HERC3: variants seen among roughly 807,000 people sequenced by gnomAD.
HERC3 encodes probable E3 ubiquitin-protein ligase HERC3.
Under a neutral mutation model 129.9 loss-of-function variants are expected in HERC3, and 58 were observed. The ratio of observed to expected loss-of-function variants is 0.45; its 90% confidence interval spans 0.36 to 0.56. HERC3 has a LOEUF of 0.56. HERC3 is among the 20% of genes least tolerant of loss of function. The pLI is 0.00. For synonymous variants in HERC3, 430 were observed against 451.0 expected, an observed-to-expected ratio of 0.95 and a Z score of 0.59; for missense variants, 835 against 1,244.2, an observed-to-expected ratio of 0.67 and a Z score of 4.95.
the HERC3 span, among the ~76,000 whole-genome samples, chr4:88,575,877 C>T: frequency 2.0e-5 from 3 of 152,174 alleles, no homozygotes; most frequent in Non-Finnish European, 2.9e-5. Flanking sequence ...TGCCTATTTT[C>T]TTAGGCAGTA....
the HERC3 span, among the ~76,000 whole-genome samples, chr4:88,545,082 C>T: frequency 6.6e-6 from 1 of 152,096 alleles, no homozygotes; most frequent in Non-Finnish European, 1.5e-5. Flanking sequence ...AACATTCACA[C>T]TCTGAGGCAC....
intron 2 of HERC3, among the ~76,000 whole-genome samples, chr4:88,603,969 TA>T (rs1723318668): frequency 6.6e-6 from 1 of 152,072 alleles, no homozygotes; most frequent in Non-Finnish European, 1.5e-5. Flanking sequence ...AAAGGAAATT[TA>T]AAGACAATTA....
the HERC3 span, among the ~76,000 whole-genome samples, chr4:88,543,640 C>G: frequency 4.6e-5 from 7 of 152,096 alleles, no homozygotes; most frequent in East Asian, 1.3e-3. Flanking sequence ...AATCCTAAGC[C>G]AAAAGAACAA....
At chr4:88,568,348 T>C in the HERC3 span, among the ~76,000 whole-genome samples, 1 of 152,108 alleles carries the variant, frequency 6.6e-6, no homozygotes, top group Non-Finnish European at 1.5e-5. Flanking sequence ...GCCAGGCTTC[T>C]GTCCTTCTCT....
intron 3 of HERC3, among the ~76,000 whole-genome samples, chr4:88,626,024 T>A (rs1456370353): frequency 1.3e-5 from 2 of 152,174 alleles, no homozygotes; most frequent in Admixed American, 1.3e-4. Context: ...TATTACTGTT[T>A]TTGATTTCTT....
At chr4:88,678,640 A>G (rs1322655785) in intron 19 of HERC3, among the ~76,000 whole-genome samples, 2 of 152,202 alleles carry the variant, frequency 1.3e-5, no homozygotes, top group Non-Finnish European at 2.9e-5. Context: ...AGGGCTTAGC[A>G]TAATGTTTGG....
intron 9 of HERC3, 28 bp downstream of exon 9, chr4:88,656,063 A>T (rs2972040): frequency 0.29 from 460,422 of 1,605,788 alleles, 74,473 homozygotes; most frequent in African/African-American, 0.61. Flanking sequence ...TGGAATTTAA[A>T]GGTATTTTAA....
upstream of HERC3, among the ~76,000 whole-genome samples, chr4:88,588,729 T>A (rs1354792216): frequency 1.3e-5 from 2 of 152,260 alleles, no homozygotes; most frequent in African/African-American, 4.8e-5. Context: ...AAAACAATTA[T>A]CATTAAACAG....
the HERC3 span, among the ~76,000 whole-genome samples, chr4:88,560,844 C>G: frequency 1.3e-5 from 2 of 152,122 alleles, no homozygotes; most frequent in African/African-American, 2.4e-5. Flanking sequence ...AAGAGACTAG[C>G]CTCTCTCCAT....
rs3220740 is a variant in HERC3 at position 88,612,289 on chromosome 4, C to CTGTGTGTGTGTGTGTGTG, written c.226+6261_226+6278dup. Among the ~76,000 whole-genome samples, 17 of 141,702 alleles carry CTGTGTGTGTGTGTGTGTG rather than the reference C, an allele frequency of 1.2e-4. No individual in the cohort carries two copies. In the South Asian group the frequency reaches 2.2e-3, roughly 18 times the overall value. 93.0% of individuals were successfully genotyped at this position (141,702 alleles called of 152,430 possible). On this transcript the variant is annotated intron_variant, in intron 3 of 25. Transcript: ENST00000402738. ...ATTAGCAATACCCTTATGTGACCAACTGTGTGTGTGTGTGTGTGTGTGTGT... is the reference window on the plus strand; with the variant it reads ...ATTAGCAATACCCTTATGTGACCAACTGTGTGTGTGTGTGTGTGTGTGTGTGTGTGTGTGTGTGTGTGT...
rs75217283 is a variant in HERC3, at chr4:88,699,645, A to G, written c.2658-4453A>G. Among the ~76,000 whole-genome samples the G allele has an allele frequency of 5.2e-3, 794 of 152,028 alleles. 6 individuals carry two copies. The highest frequency in any genetic ancestry group is 7.8e-3 in the Non-Finnish European group (533 of 67,984). ...TAATTGGCAGATGCAGGGGCAGAAA[A>G]CAGGCCTTTTGACCCCTATAGTATG... On this transcript the variant is annotated intron_variant, in intron 23 of 25. Transcript: ENST00000402738.
intron 21 of HERC3, among the ~76,000 whole-genome samples, chr4:88,681,787 G>A (rs2149317503): frequency 1.3e-5 from 2 of 152,200 alleles, no homozygotes; most frequent in East Asian, 3.9e-4. Context: ...GTGTAACTGG[G>A]ATATCCATCA....
the HERC3 span, among the ~76,000 whole-genome samples, chr4:88,539,607 C>T: frequency 6.6e-6 from 1 of 152,200 alleles, no homozygotes; most frequent in African/African-American, 2.4e-5. Flanking sequence ...CAGACTGCCT[C>T]CTCAAGTGGG....
At chr4:88,562,909 T>C in the HERC3 span, among the ~76,000 whole-genome samples, 1 of 152,222 alleles carries the variant, frequency 6.6e-6, no homozygotes, top group Non-Finnish European at 1.5e-5. Context: ...AATAGCTCTG[T>C]AGTATAATTT....
chr4:88,678,728 C>T (rs892678436), intron 19 of HERC3, among the ~76,000 whole-genome samples: 2 of 152,306 alleles, frequency 1.3e-5, no homozygotes, highest in African/African-American at 4.8e-5. Flanking sequence ...CCTCAGACAA[C>T]TTCCATATCC....
Position 88,616,257 on chromosome 4 carries a change from T to C in HERC3, c.226+10208T>C, listed in dbSNP as rs148283801. 3.4e-3 allele frequency among the ~76,000 whole-genome samples: 524 copies of C among 152,350 alleles called. 3 individuals are homozygous for C. Among genetic ancestry groups the C allele is most frequent in the African/African-American group, 0.012 (500 of 41,594 alleles). The stretch of plus-strand genomic sequence containing the variant: ...ATGTTGGGTACACTGTAAAACTGAT[T>C]ATCCACATATGGACATGCATACATA... On this transcript the variant is annotated intron_variant, in intron 3 of 25. Coordinates refer to ENST00000402738, the MANE Select transcript of HERC3 (RefSeq NM_014606.3).
chr4:88,677,884 A>C, intron 18 of HERC3, 80 bp from the exon 19 acceptor site: 1 of 1,316,904 alleles, frequency 7.6e-7, no homozygotes, highest in South Asian at 1.3e-5. Context: ...CAGCGCCCCC[A>C]AGTCCAGAAG....
At chr4:88,642,897 G>T (rs1728271693) in intron 3 of HERC3, among the ~76,000 whole-genome samples, 1 of 148,798 alleles carries the variant, frequency 6.7e-6, no homozygotes, top group Admixed American at 6.7e-5. Context: ...GTGTAATAAG[G>T]AAAGAATGGG....
intron 3 of HERC3, among the ~76,000 whole-genome samples, chr4:88,611,704 A>G (rs954362034): frequency 6.6e-6 from 1 of 152,202 alleles, no homozygotes; most frequent in African/African-American, 2.4e-5. Context: ...TGGCAAACTT[A>G]AGTTTCTTTT....
Sources: allele counts gnomAD v4.1 joint callset (sites outside exome capture counted in the v4.1 genomes callset), GRCh38; gene constraint gnomAD v4.1.1; transcripts MANE v1.5; gene names NCBI Gene and HGNC (gene_info 2026-07-23, HGNC 2026-07-21).